LRP2: variants seen among roughly 807,000 people sequenced by gnomAD.
LRP2 encodes the protein LDL receptor related protein 2.
Under a neutral mutation model 531.0 loss-of-function variants are expected in LRP2, and 172 were observed. That is an observed-to-expected ratio of 0.32 (90% CI 0.29 to 0.37). The LOEUF is 0.37. LRP2 is among the 10% of genes least tolerant of loss of function. LRP2 has a pLI of 1.00. For missense variants in LRP2, 5,167 were observed against 5,868.3 expected (o/e 0.88, Z 3.90); for synonymous variants, 1,992 against 2,027.6 (o/e 0.98, Z 0.47).
At chr2:169,351,905 T>C (rs939362276) in intron 1 of LRP2, among the ~76,000 whole-genome samples, 1 of 152,146 alleles carries the variant, frequency 6.6e-6, no homozygotes, top group African/African-American at 2.4e-5. Context: ...AAATTAATGA[T>C]GGCCATAAAA....
intron 48 of LRP2, among the ~76,000 whole-genome samples, chr2:169,188,703 T>A (rs1273499869): frequency 2.0e-5 from 3 of 152,188 alleles, no homozygotes; most frequent in Non-Finnish European, 4.4e-5. Context: ...GATAATGAGA[T>A]AGCCAGTAGG....
In LRP2 at chr2:169,213,664, G is replaced by T; in HGVS notation, c.6033C>A (p.His2011Gln). The change falls in exon 36 of 79, where the codon CAC becomes CAA. Residue 2011 changes from histidine to glutamine, a missense_variant. This residue lies in a region of LRP2 where 2,811 missense variants were observed against 3,058.0 expected (regional missense o/e 0.92). Transcript: ENST00000649046. ...VPNLRGLQVY[H>Q]RRNAAESSNG... ...TCAGTGACAAATACTTACTGCGTCT[G>T]TGATAAACTTGAAGACCCCTCAGAT... 1.9e-6 allele frequency: 3 copies of T among 1,612,044 alleles called. No individual in the cohort carries two copies. Among genetic ancestry groups the T allele is most frequent in the Non-Finnish European group, 2.5e-6 (3 of 1,179,142 alleles).
intron 4 of LRP2, among the ~76,000 whole-genome samples, chr2:169,298,592 G>T (rs1684191753): frequency 6.6e-6 from 1 of 151,940 alleles, no homozygotes. Flanking sequence ...ATTATGAAAA[G>T]AAAAAGAAGA....
chr2:169,152,040 TTTTC>T (rs1686159632), intron 67 of LRP2, among the ~76,000 whole-genome samples: 1 of 152,178 alleles, frequency 6.6e-6, no homozygotes, highest in African/African-American at 2.4e-5. Context: ...TATTGGTTCA[TTTTC>T]AAGGAATCAT....
Position 169,281,345 on chromosome 2 carries a change from C to T in LRP2, c.1172-826G>A, listed in dbSNP as rs151231073. Among the ~76,000 whole-genome samples the T allele has an allele frequency of 4.3e-3, 649 of 152,268 alleles. 5 individuals carry two copies. Among genetic ancestry groups the T allele is most frequent in the African/African-American group, 0.015 (607 of 41,552 alleles). ...GCTGAGGCAGGAGAATCGCTTGAACCCGAGAGGCGGAGATTGCAGTGAGGC... is the reference window on the plus strand; with the variant it reads ...GCTGAGGCAGGAGAATCGCTTGAACTCGAGAGGCGGAGATTGCAGTGAGGC... On this transcript the variant is annotated intron_variant, in intron 10 of 78. Coordinates refer to ENST00000649046, the MANE Select transcript of LRP2 (RefSeq NM_004525.3).
In LRP2 at chr2:169,205,761, C is replaced by A. The variant is rs182248890; in HGVS notation, c.7557-124G>T. 6 of 1,032,116 alleles carry A rather than the reference C, an allele frequency of 5.8e-6. No homozygotes were observed. In the East Asian group the frequency reaches 1.5e-4, roughly 25 times the overall value. 63.9% of individuals were successfully genotyped at this position (1,032,116 alleles called of 1,614,324 possible). A position where few individuals can be genotyped will look rare whatever the true frequency, so the allele number is the denominator to read the frequency against. ...TAACATGGCAAAAGAAACTTCATTT[C>A]TACTTACACAACTTGTCCAAAGGAG... On this transcript the variant is annotated intron_variant, in intron 40 of 78. Coordinates refer to ENST00000649046, the MANE Select transcript of LRP2 (RefSeq NM_004525.3).
chr2:169,321,027 C>T, intron 1 of LRP2, 143 bp from the exon 2 acceptor site: 1 of 668,788 alleles, frequency 1.5e-6, no homozygotes, highest in South Asian at 1.7e-5. Flanking sequence ...TAAACATTCT[C>T]CCAATGATAA....
intron 50 of LRP2, among the ~76,000 whole-genome samples, chr2:169,183,655 C>T (rs752754638): frequency 6.6e-6 from 1 of 152,148 alleles, no homozygotes; most frequent in African/African-American, 2.4e-5. Flanking sequence ...AGTCAAAAGA[C>T]ATCCTGTGAA....
In LRP2 at chr2:169,145,906, G is replaced by A. The variant is rs1685887848; in HGVS notation, c.12829C>T (p.Leu4277=). 3 of 1,614,032 alleles carry A rather than the reference G, an allele frequency of 1.9e-6. No homozygotes were observed. In the East Asian group the frequency reaches 6.7e-5, roughly 36 times the overall value. ...TATAACTGGTCTTCAAAGATGTCCA[G>A]GCTGTAAGGGTTCATTGCTGCTTAC... is the stretch of plus-strand genomic sequence containing the variant. ...IAKEAMNPYS[L]DIFEDQLYWI... The change falls in exon 70 of 79, where the codon CTG becomes TTG. Residue 4277 remains leucine, a synonymous_variant. Coordinates refer to ENST00000649046, the MANE Select transcript of LRP2 (RefSeq NM_004525.3).
intron 23 of LRP2, 137 bp from the exon 24 acceptor site, chr2:169,243,209 C>T (rs966077237): frequency 2.3e-6 from 2 of 881,704 alleles, no homozygotes; most frequent in Non-Finnish European, 3.6e-6. Flanking sequence ...CATAGGTATA[C>T]ACGTGCCATG....
At chr2:169,159,861 G>C (rs372852592) in intron 63 of LRP2, among the ~76,000 whole-genome samples, 2 of 152,246 alleles carry the variant, frequency 1.3e-5, no homozygotes, top group African/African-American at 4.8e-5. Context: ...AGGGGTCCCA[G>C]GAGTCAAGAA....
chr2:169,191,787 TG>T, intron 48 of LRP2, 44 bp downstream of exon 48: 1 of 1,565,794 alleles, frequency 6.4e-7, no homozygotes, highest in Non-Finnish European at 8.8e-7. Flanking sequence ...CCAGCCCCCA[TG>T]GACATTTGAG....
rs138614485 is a variant in LRP2 at position 169,137,511 on chromosome 2, AAGAG to A, written c.13519-22_13519-19del. The A allele has an allele frequency of 4.8e-3, 6,124 of 1,264,028 alleles. 27 individuals are homozygous for A. The highest frequency in any genetic ancestry group is 0.028 in the African/African-American group (1,836 of 65,930). 78.3% of individuals were successfully genotyped at this position (1,264,028 alleles called of 1,614,324 possible). ...TCTTCACTCTGATGGCAGAGACAGAAAGAGAGAGAGAGAGAGAGAGAGAAACAGA... is the reference window on the plus strand; with the variant it reads ...TCTTCACTCTGATGGCAGAGACAGAAAGAGAGAGAGAGAGAGAGAAACAGA... On this transcript the variant is annotated intron_variant, in intron 75 of 78. Transcript: ENST00000649046.
intron 3 of LRP2, 130 bp downstream of exon 3, chr2:169,318,632 A>T: frequency 7.9e-7 from 1 of 1,271,966 alleles, no homozygotes; most frequent in Non-Finnish European, 1.1e-6. Flanking sequence ...TTGCTGGCAT[A>T]GGTTCCCTTA....
intron 12 of LRP2, 138 bp from the exon 13 acceptor site, chr2:169,278,089 T>C (rs1001588275): frequency 1.4e-6 from 1 of 717,112 alleles, no homozygotes; most frequent in South Asian, 1.8e-5. Flanking sequence ...ACAGGGAAAT[T>C]AAGTTGTTTT....
Position 169,139,582 on chromosome 2 carries a change from A to C in LRP2, c.13228T>G (p.Cys4410Gly). 1.2e-6 allele frequency: 2 copies of C among 1,614,216 alleles called. No individual in the cohort carries two copies. The highest frequency in any genetic ancestry group is 1.7e-6 in the Non-Finnish European group (2 of 1,180,026). ...KCPSGYTGKYCEMAFSKGISP... is the reference protein window; with the variant it reads ...KCPSGYTGKYGEMAFSKGISP... The stretch of plus-strand genomic sequence containing the variant: ...ATGCCTTTTGAAAACGCCATTTCAC[A>C]ATATTTTCCGGTGTAGCCGCTAGGA... Residue 4410 changes from cysteine to glycine, a missense_variant, in exon 73 of 79, where the codon TGT becomes GGT. This residue lies in a region of LRP2 where 348 missense variants were observed against 369.3 expected (regional missense o/e 0.94). Coordinates refer to ENST00000649046, the MANE Select transcript of LRP2 (RefSeq NM_004525.3).
chr2:169,259,042 T>C lies in LRP2; in HGVS notation c.2496A>G (p.Val832=), dbSNP rs997122077. The change falls in exon 17 of 79, where the codon GTA becomes GTG. Residue 832 remains valine (V), a synonymous_variant. Transcript: ENST00000649046. The part of the protein sequence containing the change: ...VQYLNNPRSV[V]VHPFAGYLFF... ...ACACTTACCCGGCAAAAGGATGAAC[T>C]ACCACCGACCGTGGGTTATTTAAAT... The C allele has an allele frequency of 1.2e-6, 2 of 1,613,150 alleles. No homozygotes were observed. The highest frequency in any genetic ancestry group is 2.2e-5 in the East Asian group (1 of 44,854).
At chr2:169,224,005 C>A (rs1689110356) in intron 33 of LRP2, among the ~76,000 whole-genome samples, 1 of 152,082 alleles carries the variant, frequency 6.6e-6, no homozygotes, top group Non-Finnish European at 1.5e-5. Context: ...AAACAGTCAT[C>A]TGCACTCATC....
chr2:169,204,154 G>A lies in LRP2; in HGVS notation c.7833C>T (p.Tyr2611=). The A allele has an allele frequency of 6.2e-7, 1 of 1,614,154 alleles. No individual in the cohort carries two copies. Among genetic ancestry groups the A allele is most frequent in the Non-Finnish European group, 8.5e-7 (1 of 1,180,034 alleles). The change falls in exon 42 of 79, where the codon TAC becomes TAT. Residue 2611 remains tyrosine, a synonymous_variant. Transcript: ENST00000649046. Reference sequence around the variant, plus strand: ...TGTTAGCTCGGTAAATTCTTTGTGTGTACAAGTCAGTCCAGTAAATATACT... The same window carrying A: ...TGTTAGCTCGGTAAATTCTTTGTGTATACAAGTCAGTCCAGTAAATATACT... ...YGQYIYWTDL[Y]TQRIYRANKY...
Sources: allele counts gnomAD v4.1 joint callset (sites outside exome capture counted in the v4.1 genomes callset), GRCh38; gene constraint gnomAD v4.1.1; regional missense constraint gnomAD v4.1.1; transcripts MANE v1.5; gene names NCBI Gene and HGNC (gene_info 2026-07-23, HGNC 2026-07-21).